STAU2: variants seen among roughly 807,000 people sequenced by gnomAD.
The protein encoded by STAU2 is staufen double-stranded RNA binding protein 2, also known as double-stranded RNA-binding protein Staufen homolog 2.
A neutral mutation model predicts 65.9 loss-of-function variants in STAU2; 20 were observed. The ratio of observed to expected loss-of-function variants is 0.30; its 90% confidence interval spans 0.21 to 0.44. The LOEUF is 0.44. Ranked by LOEUF, STAU2 falls within the 20% of genes least tolerant of loss-of-function variation. STAU2 has a pLI of 1.00. For synonymous variants in STAU2, 232 were observed against 233.9 expected, an observed-to-expected ratio of 0.99 and a Z score of 0.07; for missense variants, 558 against 683.9, an observed-to-expected ratio of 0.82 and a Z score of 2.05.
At chr8:73,509,239 A>ACATTCAGTATCT (rs1252972769) in intron 13 of STAU2, among the ~76,000 whole-genome samples, 12 of 152,114 alleles carry the variant, frequency 7.9e-5, no homozygotes, top group Admixed American at 6.5e-4. Flanking sequence ...CATTTCCCTG[A>ACATTCAGTATCT]TGGCTAATGA....
chr8:73,573,184 C>A (rs1809243605), intron 12 of STAU2, among the ~76,000 whole-genome samples: 1 of 152,192 alleles, frequency 6.6e-6, no homozygotes, highest in Non-Finnish European at 1.5e-5. Flanking sequence ...ACCTAGGAAT[C>A]CAACTTATAA....
At chr8:73,459,105 C>T (rs2128898672) in intron 13 of STAU2, among the ~76,000 whole-genome samples, 1 of 152,268 alleles carries the variant, frequency 6.6e-6, no homozygotes, top group African/African-American at 2.4e-5. Flanking sequence ...AAGAACTTTC[C>T]TATATTCATT....
intron 6 of STAU2, among the ~76,000 whole-genome samples, chr8:73,650,998 C>G (rs1018011073): frequency 3.3e-5 from 5 of 152,234 alleles, no homozygotes; most frequent in Admixed American, 1.3e-4. Flanking sequence ...TGCCCCTGGC[C>G]AGCCCTGCCC....
At chr8:73,426,466 C>T (rs1394575833) in intron 13 of STAU2, among the ~76,000 whole-genome samples, 1 of 152,164 alleles carries the variant, frequency 6.6e-6, no homozygotes, top group Non-Finnish European at 1.5e-5. Flanking sequence ...TCCCTCTCTT[C>T]CCCCTACCCT....
At chr8:73,701,412 G>A (rs942451048) in intron 4 of STAU2, among the ~76,000 whole-genome samples, 1 of 151,890 alleles carries the variant, frequency 6.6e-6, no homozygotes, top group Non-Finnish European at 1.5e-5. Context: ...TATATAAGAA[G>A]CTCAAATAAC....
chr8:73,745,722 T>A (rs913898310), intron 1 of STAU2, among the ~76,000 whole-genome samples: 15 of 152,224 alleles, frequency 9.9e-5, no homozygotes, highest in Admixed American at 5.2e-4. Context: ...TCCCTCTCTA[T>A]CTGCTCAAGC....
chr8:73,452,456 G>C (rs1006429762), intron 13 of STAU2, among the ~76,000 whole-genome samples: 1 of 152,212 alleles, frequency 6.6e-6, no homozygotes, highest in Admixed American at 6.5e-5. Flanking sequence ...CGGAAGGCCT[G>C]ATGATGGTGC....
At chr8:73,680,025 C>CT (rs1390853863) in intron 5 of STAU2, among the ~76,000 whole-genome samples, 1 of 122,554 alleles carries the variant, frequency 8.2e-6, no homozygotes, top group African/African-American at 3.2e-5. Context: ...CACAGTGGTC[C>CT]TTGGGGAAGG....
At chr8:73,485,141 CTTTTTTT>C (rs10524978) in intron 13 of STAU2, among the ~76,000 whole-genome samples, 27 of 82,854 alleles carry the variant, frequency 3.3e-4, no homozygotes, top group East Asian at 2.6e-3. Context: ...CATCCTTACT[CTTTTTTT>C]TTTTTTTTTT....
intron 13 of STAU2, chr8:73,527,524 C>A: frequency 8.9e-6 from 4 of 450,544 alleles, no homozygotes; most frequent in Non-Finnish European, 1.6e-5. Context: ...ACTATGATAT[C>A]AATTTCCCAA....
intron 6 of STAU2, among the ~76,000 whole-genome samples, chr8:73,631,003 G>A (rs1214309749): frequency 1.3e-5 from 2 of 152,100 alleles, no homozygotes; most frequent in African/African-American, 4.8e-5. Flanking sequence ...CCATACCCGG[G>A]AGAACATCAC....
chr8:73,676,784 T>C (rs1263421269), intron 5 of STAU2, among the ~76,000 whole-genome samples: 1 of 152,058 alleles, frequency 6.6e-6, no homozygotes, highest in Non-Finnish European at 1.5e-5. Flanking sequence ...TTAGTAAAGT[T>C]GGGGTTTCAC....
At chr8:73,657,067 C>T (rs757786762) in intron 6 of STAU2, among the ~76,000 whole-genome samples, 12 of 152,164 alleles carry the variant, frequency 7.9e-5, no homozygotes, top group Non-Finnish European at 1.3e-4. Flanking sequence ...GCAGCAGCCA[C>T]CTGAAGCCAA....
At chr8:73,491,641 T>C (rs1364633533) in intron 13 of STAU2, among the ~76,000 whole-genome samples, 5 of 151,964 alleles carry the variant, frequency 3.3e-5, no homozygotes, top group African/African-American at 9.7e-5. Context: ...AAATCTTATT[T>C]TCAAACAAAC....
chr8:73,572,642 CG>C (rs1809191509), intron 12 of STAU2, among the ~76,000 whole-genome samples: 2 of 152,130 alleles, frequency 1.3e-5, no homozygotes, highest in Non-Finnish European at 2.9e-5. Context: ...GAACCAAAGA[CG>C]AAAACCACGA....
chr8:73,650,081 G>A (rs1815745026), intron 6 of STAU2, among the ~76,000 whole-genome samples: 1 of 151,578 alleles, frequency 6.6e-6, no homozygotes, highest in South Asian at 2.1e-4. Flanking sequence ...AGTAACTGGT[G>A]ACACTGGACT....
At chr8:73,743,415 T>C (rs1206365927) in intron 1 of STAU2, among the ~76,000 whole-genome samples, 3 of 151,954 alleles carry the variant, frequency 2.0e-5, no homozygotes, top group African/African-American at 7.3e-5. Context: ...TGGCCCAAAG[T>C]CGTCTTTTCT....
intron 13 of STAU2, among the ~76,000 whole-genome samples, chr8:73,452,584 C>T (rs1288771755): frequency 6.6e-6 from 1 of 152,236 alleles, no homozygotes; most frequent in East Asian, 1.9e-4. Context: ...CTTCCTGTCA[C>T]TAAACGTCTG....
At chr8:73,651,378 G>C (rs1586194899) in intron 6 of STAU2, 1 of 672,198 alleles carries the variant, frequency 1.5e-6, no homozygotes, top group Non-Finnish European at 2.8e-6. Context: ...GAGTGGAAGA[G>C]GCTGGCCAGG....
Sources: gnomAD v4.1 joint callset for allele counts (sites outside exome capture counted in the v4.1 genomes callset) on GRCh38, gnomAD v4.1.1 for gene constraint, MANE v1.5 for transcripts, NCBI Gene and HGNC (gene_info 2026-07-23, HGNC 2026-07-21) for gene names.